Variants in EPHB2 observed in about 807,000 individuals in gnomAD.
EPHB2 encodes the protein EPH receptor B2, also known as ephrin type-B receptor 2.
Under a neutral mutation model 96.4 loss-of-function variants are expected in EPHB2, and 18 were observed. The observed-to-expected ratio is 0.19, with a 90% confidence interval of 0.13 to 0.28. The LOEUF is 0.28. Among genes scored for constraint, EPHB2 ranks in the 10% least tolerant of loss-of-function variants. EPHB2 has a pLI of 1.00. For synonymous variants in EPHB2, 506 were observed against 534.1 expected (o/e 0.95, Z 0.72); for missense variants, 989 against 1,355.4 (o/e 0.73, Z 4.25).
chr1:22,817,264 A>G (rs1398394562), intron 3 of EPHB2, among the ~76,000 whole-genome samples: 3 of 152,240 alleles, frequency 2.0e-5, no homozygotes, highest in African/African-American at 7.2e-5. Context: ...AAACTCTTCT[A>G]AACTTGTTTG....
chr1:22,766,037 G>T (rs147029571), intron 1 of EPHB2, among the ~76,000 whole-genome samples: 19 of 152,174 alleles, frequency 1.2e-4, no homozygotes, highest in Non-Finnish European at 2.5e-4. Flanking sequence ...CCGCCTCCCC[G>T]GAGAGCTCAG....
intron 1 of EPHB2, among the ~76,000 whole-genome samples, chr1:22,753,443 G>A (rs1424340898): frequency 1.3e-5 from 2 of 152,182 alleles, no homozygotes; most frequent in Non-Finnish European, 2.9e-5. Flanking sequence ...TCATGGTCCA[G>A]TCAGGTGGCT....
chr1:22,795,142 C>T (rs1442496816), intron 3 of EPHB2, among the ~76,000 whole-genome samples: 1 of 152,336 alleles, frequency 6.6e-6, no homozygotes, highest in East Asian at 1.9e-4. Flanking sequence ...AGCCCTACAC[C>T]TCATACCTCA....
At position 22,860,428 on chromosome 1, in the gene EPHB2, C is replaced by T. The variant is rs7549431; in HGVS notation, c.812-2609C>T. On this transcript the variant is annotated intron_variant, in intron 3 of 15. Transcript: ENST00000374630. The surrounding 1 kb of genome is among the most constrained non-coding windows in gnomAD (Gnocchi z 4.6). ...CCATAGATACAGAAATGATACAGTGCCCGGTGGTGGGGGTCGAACCTGGCC... is the reference window on the plus strand; with the variant it reads ...CCATAGATACAGAAATGATACAGTGTCCGGTGGTGGGGGTCGAACCTGGCC... Among the ~76,000 whole-genome samples, 1,582 of 152,084 alleles carry T rather than the reference C, an allele frequency of 0.01. 25 individuals are homozygous for T. Among genetic ancestry groups the T allele is most frequent in the African/African-American group, 0.037 (1,515 of 41,474 alleles).
chr1:22,898,947 C>T (rs143695428), intron 9 of EPHB2, among the ~76,000 whole-genome samples: 113 of 152,298 alleles, frequency 7.4e-4, no homozygotes, highest in African/African-American at 2.3e-3. Context: ...CACGGTGGCT[C>T]ACGCCTGTAA....
intron 3 of EPHB2, among the ~76,000 whole-genome samples, chr1:22,811,998 T>C (rs1446531575): frequency 6.6e-6 from 1 of 152,216 alleles, no homozygotes; most frequent in African/African-American, 2.4e-5. Flanking sequence ...ATGATCACAC[T>C]GCCAAACTCT....
At position 22,849,437 on chromosome 1, in the gene EPHB2, T is replaced by C. The variant is rs542578580; in HGVS notation, c.812-13600T>C. ...CCCTGAGGTCAGGGCCTGTGTCTCCTCAGTCCTCACTGGTCCCCAGCCCCA... is the reference window on the plus strand; with the variant it reads ...CCCTGAGGTCAGGGCCTGTGTCTCCCCAGTCCTCACTGGTCCCCAGCCCCA... On this transcript the variant is annotated intron_variant, in intron 3 of 15. Coordinates refer to ENST00000374630, the MANE Select transcript of EPHB2 (RefSeq NM_017449.5). Among the ~76,000 whole-genome samples, 28 of 152,308 alleles carry C rather than the reference T, an allele frequency of 1.8e-4. No homozygotes were observed. In the South Asian group the frequency reaches 5.2e-3, roughly 28 times the overall value.
intron 1 of EPHB2, among the ~76,000 whole-genome samples, chr1:22,721,711 G>A (rs1390912486): frequency 1.3e-5 from 2 of 151,916 alleles, no homozygotes; most frequent in Non-Finnish European, 2.9e-5. Context: ...GACCTCCTGG[G>A]CTCAAGCAAT....
rs1454725671 is a variant in EPHB2 at position 22,915,330 on chromosome 1, AC to A, written c.*1764del. 6.6e-6 allele frequency: 1 copy of A among 151,858 alleles called. No homozygotes were observed. The highest frequency in any genetic ancestry group is 2.4e-5 in the African/African-American group (1 of 41,302). The allele number at this position is 151,858 out of a possible 1,614,324, so 9.4% of individuals were successfully genotyped here. A position where few individuals can be genotyped will look rare whatever the true frequency, so the allele number is the denominator to read the frequency against. On this transcript the variant is annotated 3_prime_UTR_variant, in exon 16 of 16. Transcript: ENST00000374630. ...AAATAAACGCTTTAGTTATAATATGACCCCTGTTCTCTGTAAGTTCCAAGGG... is the reference window on the plus strand; with the variant it reads ...AAATAAACGCTTTAGTTATAATATGACCCTGTTCTCTGTAAGTTCCAAGGG...
intron 3 of EPHB2, among the ~76,000 whole-genome samples, chr1:22,849,319 C>T (rs1434524308): frequency 6.6e-6 from 1 of 152,166 alleles, no homozygotes; most frequent in African/African-American, 2.4e-5. Flanking sequence ...AGCCCTTGTC[C>T]GTCTCCTTCG....
rs55743842 is a variant in EPHB2 at position 22,741,696 on chromosome 1, A to AAAAAAAAAAAAAAAAAC, written c.61+30653_61+30654insAAAAAAAAAAAAAAAAC. On this transcript the variant is annotated intron_variant, in intron 1 of 15. Coordinates refer to ENST00000374630, the MANE Select transcript of EPHB2 (RefSeq NM_017449.5). ...CTTCCCAGCAAAAAAAAACAAAAAA[A>AAAAAAAAAAAAAAAAAC]CAAAAAACCTCAGTTTCTCACGTTG... Among the ~76,000 whole-genome samples, 14 of 137,378 alleles carry AAAAAAAAAAAAAAAAAC rather than the reference A, an allele frequency of 1.0e-4. 1 individual carries two copies. The highest frequency in any genetic ancestry group is 2.9e-4 in the African/African-American group (11 of 38,034). The allele number at this position is 137,378 out of a possible 152,430, so 90.1% of individuals were successfully genotyped here. A position where few individuals can be genotyped will look rare whatever the true frequency, so the allele number is the denominator to read the frequency against.
At chr1:22,745,138 T>C (rs563939304) in intron 1 of EPHB2, among the ~76,000 whole-genome samples, 1 of 152,324 alleles carries the variant, frequency 6.6e-6, no homozygotes, top group South Asian at 2.1e-4. Flanking sequence ...TAGAGCACAA[T>C]GTTCACAGCA....
rs1217899004 is a variant in EPHB2 at position 22,905,866 on chromosome 1, C to T, written c.1766-121C>T. 1.2e-5 allele frequency: 19 copies of T among 1,524,208 alleles called. No individual in the cohort carries two copies. The East Asian group carries it at 4.3e-4, about 35-fold the overall frequency. 94.4% of individuals were successfully genotyped at this position (1,524,208 alleles called of 1,614,324 possible). On this transcript the variant is annotated intron_variant, in intron 9 of 15. Coordinates refer to ENST00000374630, the MANE Select transcript of EPHB2 (RefSeq NM_017449.5). ...GGTCAAGTGACCTGCAGGGAGTTGC[C>T]CAGTTCTTATGGGGGCCACATGGGA...
chr1:22,716,857 T>G (rs989098603), intron 1 of EPHB2, among the ~76,000 whole-genome samples: 1 of 152,182 alleles, frequency 6.6e-6, no homozygotes, highest in Non-Finnish European at 1.5e-5. Context: ...GTGGCGGAGA[T>G]GCAGAGCACG....
At chr1:22,713,090 G>A (rs79964614) in intron 1 of EPHB2, among the ~76,000 whole-genome samples, 2,593 of 152,208 alleles carry the variant, frequency 0.017, 38 homozygotes, top group South Asian at 0.051. Context: ...GACGTCACAG[G>A]AGGGTATGGC....
At chr1:22,804,677 A>G (rs569933999) in intron 3 of EPHB2, among the ~76,000 whole-genome samples, 99 of 129,108 alleles carry the variant, frequency 7.7e-4, no homozygotes, top group Non-Finnish European at 1.5e-3. Context: ...GCTCTTTCCC[A>G]TCCCACACCC....
chr1:22,736,171 G>T (rs1447035534), intron 1 of EPHB2, among the ~76,000 whole-genome samples: 1 of 152,200 alleles, frequency 6.6e-6, no homozygotes, highest in Non-Finnish European at 1.5e-5. Context: ...GGGGGCTGTG[G>T]AAGAGAGCTC....
Position 22,912,474 on chromosome 1 carries a change from C to A in EPHB2, c.2727C>A (p.Ile909=), listed in dbSNP as rs777571194. ...ACCTGCCGCTGCTGGACCGCACGAT[C>A]CCCGACTACACCAGCTTTAACACGG... ...GINLPLLDRT[I]PDYTSFNTVD... is the part of the protein sequence containing the mutation. The change falls in exon 15 of 16, where the codon ATC becomes ATA. Residue 909 remains isoleucine, a synonymous_variant. Coordinates refer to ENST00000374630, the MANE Select transcript of EPHB2 (RefSeq NM_017449.5). 2 of 1,614,148 alleles carry A rather than the reference C, an allele frequency of 1.2e-6. No homozygotes were observed. The highest frequency in any genetic ancestry group is 8.5e-7 in the Non-Finnish European group (1 of 1,180,046).
intron 3 of EPHB2, among the ~76,000 whole-genome samples, chr1:22,861,214 G>A (rs183216441): frequency 1.5e-3 from 225 of 152,278 alleles, no homozygotes; most frequent in Admixed American, 2.4e-3. Flanking sequence ...TGACTTCCCC[G>A]AGGCCACACT....
Sources: allele counts gnomAD v4.1 joint callset (sites outside exome capture counted in the v4.1 genomes callset), GRCh38; gene constraint gnomAD v4.1.1; non-coding constraint Gnocchi (gnomAD v3.1); transcripts MANE v1.5; gene names NCBI Gene and HGNC (gene_info 2026-07-23, HGNC 2026-07-21).